Variants in ANK2 observed in about 807,000 individuals in gnomAD.
The protein encoded by ANK2 is ankyrin-2.
ANK2 carries 83 observed loss-of-function variants against 360.5 expected under a neutral mutation model. The ratio of observed to expected loss-of-function variants is 0.23; its 90% CI spans 0.19 to 0.28. The LOEUF (loss-of-function observed/expected upper bound fraction) is 0.28. Ranked by LOEUF, ANK2 falls within the 10% of genes least tolerant of loss-of-function variation. The pLI, the probability that ANK2 is intolerant of heterozygous loss-of-function variation, is 1.00. For synonymous variants in ANK2, 1,740 were observed against 1,759.5 expected, an observed-to-expected ratio of 0.99 and a Z score of 0.28; for missense variants, 4,201 against 4,795.7, an observed-to-expected ratio of 0.88 and a Z score of 3.66.
chr4:113,151,336 G>A (rs1283985385), intron 1 of ANK2: 2 of 357,292 alleles, frequency 5.6e-6, no homozygotes, highest in African/African-American at 2.1e-5. Context: ...AGTTCTGCAA[G>A]CTGTACAAGA....
chr4:113,201,291 G>T (rs1044299286), intron 4 of ANK2, among the ~76,000 whole-genome samples: 1 of 152,092 alleles, frequency 6.6e-6, no homozygotes, highest in East Asian at 1.9e-4. Context: ...TGCACGGCTT[G>T]TTGAAACCCA....
chr4:113,327,854 T>C (rs2090807408), intron 26 of ANK2, among the ~76,000 whole-genome samples: 1 of 152,146 alleles, frequency 6.6e-6, no homozygotes, highest in South Asian at 2.1e-4. Flanking sequence ...AAATGTTGCA[T>C]TGAAAGGAGC....
the ANK2 span, chr4:112,798,184 G>A: frequency 6.5e-6 from 1 of 153,020 alleles, no homozygotes; most frequent in South Asian, 2.1e-4. Flanking sequence ...TTGAGTCATC[G>A]AGTTTATAAT....
intron 22 of ANK2, among the ~76,000 whole-genome samples, chr4:113,296,480 T>C (rs1176153043): frequency 4.6e-5 from 7 of 152,184 alleles, no homozygotes; most frequent in Non-Finnish European, 8.8e-5. Flanking sequence ...TGTAGTCCTT[T>C]TGATCAAAGA....
At chr4:112,969,886 GAAAAGACTAATATCT>G (rs2038815721) in intron 2 of ANK2, among the ~76,000 whole-genome samples, 1 of 152,114 alleles carries the variant, frequency 6.6e-6, no homozygotes, top group Admixed American at 6.6e-5. Context: ...TGAAAAGCAT[GAAAAGACTAATATCT>G]AATTCCAAAC....
At position 113,192,924 on chromosome 4, in the gene ANK2, TAAA is replaced by T. The variant is rs373250773; in HGVS notation, c.187-3429_187-3427del. On this transcript the variant is annotated intron_variant, in intron 2 of 45. Transcript: ENST00000357077. ...TCTATATTTTAGGGATTGCATTATT[TAAA>T]AAAAAAAAAAAAAACAACCCTTGAT... Among the ~76,000 whole-genome samples, 778 of 136,778 alleles carry T rather than the reference TAAA, an allele frequency of 5.7e-3. 20 individuals are homozygous for T. In the East Asian group the frequency reaches 0.058, roughly 10 times the overall value. The allele number at this position is 136,778 out of a possible 152,430, so 89.7% of individuals were successfully genotyped here.
At chr4:113,086,891 CTG>C (rs1448835262) in intron 1 of ANK2, among the ~76,000 whole-genome samples, 2 of 152,120 alleles carry the variant, frequency 1.3e-5, no homozygotes, top group African/African-American at 4.8e-5. Flanking sequence ...ACCAGTAAGT[CTG>C]GAGCGTAGGG....
intron 22 of ANK2, among the ~76,000 whole-genome samples, chr4:113,297,639 C>T (rs1185779241): frequency 2.0e-5 from 3 of 151,960 alleles, no homozygotes; most frequent in African/African-American, 7.3e-5. Flanking sequence ...TGAGGTAGAG[C>T]CAAGATCTTT....
rs535937490 is a variant in ANK2 at position 113,295,257 on chromosome 4, A to T, written c.2475+1719A>T. 7.2e-5 allele frequency among the ~76,000 whole-genome samples: 11 copies of T among 152,290 alleles called. No homozygotes were observed. The East Asian group carries it at 2.1e-3, about 29-fold the overall frequency. On this transcript the variant is annotated intron_variant, in intron 22 of 45. Coordinates refer to ENST00000357077, the MANE Select transcript of ANK2 (RefSeq NM_001148.6). The stretch of plus-strand genomic sequence containing the variant: ...AAAACATTACTCCTCCCCACCAGCA[A>T]CTTCAGTGTCATGAGAGTAGAGAAT...
At chr4:113,226,131 A>G (rs1563007392) in intron 4 of ANK2, among the ~76,000 whole-genome samples, 1 of 152,182 alleles carries the variant, frequency 6.6e-6, no homozygotes, top group Non-Finnish European at 1.5e-5. Context: ...GGGATTTAAC[A>G]AAAACCTGCT....
intron 4 of ANK2, among the ~76,000 whole-genome samples, chr4:113,209,561 C>T (rs980101390): frequency 7.9e-5 from 12 of 151,916 alleles, no homozygotes; most frequent in East Asian, 1.9e-4. Context: ...AGGTTTTCAG[C>T]GGGAGAAAGG....
Position 113,354,318 on chromosome 4 carries a change from A to G in ANK2, c.5700A>G (p.Arg1900=). 1 of 1,614,084 alleles carries G rather than the reference A, an allele frequency of 6.2e-7. No individual in the cohort carries two copies. ...CTGTGTCATCTACAAAAACAGAAAGACACCCACCTGTTTCGCCTTCAGGCA... is the reference window on the plus strand; with the variant it reads ...CTGTGTCATCTACAAAAACAGAAAGGCACCCACCTGTTTCGCCTTCAGGCA... ...HSPVSSTKTE[R]HPPVSPSGKT... is the part of the protein sequence containing the mutation. Residue 1900 remains arginine (R), a synonymous_variant, in exon 38 of 46, where the codon AGA becomes AGG. Transcript: ENST00000357077.
At chr4:112,906,139 T>C (rs921267791) in intron 2 of ANK2, among the ~76,000 whole-genome samples, 5 of 152,152 alleles carry the variant, frequency 3.3e-5, no homozygotes, top group African/African-American at 1.2e-4. Context: ...GATTATAGTA[T>C]GATAAAGGAG....
intron 2 of ANK2, among the ~76,000 whole-genome samples, chr4:112,930,052 G>A (rs2093016418): frequency 6.6e-6 from 1 of 152,050 alleles, no homozygotes; most frequent in African/African-American, 2.4e-5. Flanking sequence ...TGGAGTTGGT[G>A]AATAGGGTGT....
At chr4:112,882,979 C>CGTGTGGCTACTGGACACTTT (rs2077143473) in intron 1 of ANK2, among the ~76,000 whole-genome samples, 1 of 143,724 alleles carries the variant, frequency 7.0e-6, no homozygotes, top group Non-Finnish European at 1.5e-5. Context: ...CAATGTGCTC[C>CGTGTGGCTACTGGACACTTT]GTGTGGCTAC....
At chr4:113,044,078 C>T (rs571675295) in intron 2 of ANK2, among the ~76,000 whole-genome samples, 5 of 152,120 alleles carry the variant, frequency 3.3e-5, no homozygotes, top group Non-Finnish European at 5.9e-5. Flanking sequence ...GTTCACATAA[C>T]AGACATCCTA....
At chr4:113,151,149 T>C (rs904775223) in intron 1 of ANK2, 6 of 1,284,612 alleles carry the variant, frequency 4.7e-6, no homozygotes, top group Non-Finnish European at 6.1e-6. Flanking sequence ...AAAACACTTC[T>C]AAAAACAGTA....
At chr4:113,076,522 T>C (rs772077339) in intron 1 of ANK2, among the ~76,000 whole-genome samples, 1 of 152,122 alleles carries the variant, frequency 6.6e-6, no homozygotes, top group African/African-American at 2.4e-5. Flanking sequence ...ATGTAATCTA[T>C]TGGGCCAGGC....
chr4:113,091,730 A>G (rs1173967680), intron 1 of ANK2, among the ~76,000 whole-genome samples: 1 of 152,236 alleles, frequency 6.6e-6, no homozygotes, highest in African/African-American at 2.4e-5. Context: ...CTAAATTTGC[A>G]GAGCATGAGG....
Sources: gnomAD v4.1 joint callset for allele counts (sites outside exome capture counted in the v4.1 genomes callset) on GRCh38, gnomAD v4.1.1 for gene constraint, MANE v1.5 for transcripts, NCBI Gene and HGNC (gene_info 2026-07-23, HGNC 2026-07-21) for gene names.